Variants in VPS35 observed in about 807,000 individuals in gnomAD.
VPS35 encodes vacuolar protein sorting-associated protein 35.
VPS35 carries 21 observed loss-of-function variants against 98.1 expected under a neutral mutation model. The observed-to-expected ratio is 0.21, with a 90% CI of 0.15 to 0.31. The LOEUF is 0.31. Ranked by LOEUF, VPS35 falls within the 10% of genes least tolerant of loss-of-function variation. VPS35 has a pLI of 1.00. For synonymous variants in VPS35, 268 were observed against 318.2 expected, an observed-to-expected ratio of 0.84 and a Z score of 1.68; for missense variants, 554 against 950.8, an observed-to-expected ratio of 0.58 and a Z score of 5.49.
At chr16:46,660,820 CA>C (rs33973421) in intron 16 of VPS35, 169 bp from the exon 17 acceptor site, 2,920 of 334,808 alleles carry the variant, frequency 8.7e-3, no homozygotes, top group South Asian at 0.013. Context: ...TACTGACTAT[CA>C]AAAAAAAAAA....
intron 4 of VPS35, 56 bp from the exon 5 acceptor site, chr16:46,680,909 T>G (rs1421167463): frequency 1.9e-6 from 3 of 1,551,112 alleles, no homozygotes; most frequent in Non-Finnish European, 2.7e-6. Context: ...ATCAAGAATT[T>G]ATTTCCAAAC....
chr16:46,660,820 CAAA>C (rs33973421), intron 16 of VPS35, 169 bp from the exon 17 acceptor site: 120 of 340,322 alleles, frequency 3.5e-4, no homozygotes, highest in Admixed American at 6.2e-4. Context: ...TACTGACTAT[CAAA>C]AAAAAAAAAA....
chr16:46,661,840 T>C lies in VPS35; in HGVS notation c.2089A>G (p.Met697Val). ...TTTAGAGCTTTTTTTAGGCACTCCA[T>C]TACCCTCTTGCCTCCGTGAAGCTAA... ...GEELHGGKRV[M>V]ECLKKALKIA... Residue 697 changes from methionine (M) to valine (V), a missense_variant, in exon 16 of 17, where the codon ATG becomes GTG. Around this residue, in one of 5 missense-constraint regions of VPS35, gnomAD observed 153 missense variants for 211.0 expected, o/e 0.73. Transcript: ENST00000299138. The surrounding 1 kb of genome is among the most constrained non-coding windows in gnomAD (Gnocchi z 4.3). The C allele has an allele frequency of 1.2e-6, 2 of 1,614,152 alleles. No individual in the cohort carries two copies. Among genetic ancestry groups the C allele is most frequent in the Middle Eastern group, 1.6e-4 (1 of 6,062 alleles).
chr16:46,663,893 T>TTTTTTTTTTTTA, intron 13 of VPS35, among the ~76,000 whole-genome samples: 1 of 118,836 alleles, frequency 8.4e-6, no homozygotes, highest in South Asian at 2.5e-4. Context: ...TTTTTTTTTG[T>TTTTTTTTTTTTA]AGAGACAGGG....
chr16:46,674,595 A>G lies in VPS35; in HGVS notation c.980T>C (p.Ile327Thr). 1 of 1,612,796 alleles carries G rather than the reference A, an allele frequency of 6.2e-7. No homozygotes were observed. The highest frequency in any genetic ancestry group is 8.5e-7 in the Non-Finnish European group (1 of 1,179,394). Reference protein sequence around the residue: ...GIPADIKLFDIFSQQVATVIQ... With the variant: ...GIPADIKLFDTFSQQVATVIQ... ...CACTGTAGCCACCTGCTGTGAAAAT[A>G]TATCAAAAAGTTTAATATCCGCTGG... The change falls in exon 9 of 17, where the codon ATA (isoleucine) becomes ACA (threonine). Residue 327 changes from isoleucine to threonine, a missense_variant. Physicochemically the swap from Ile to Thr is moderately conservative, Grantham distance 89. This residue lies in a region of VPS35 where 254 missense variants were observed against 390.1 expected (regional missense o/e 0.65). Transcript: ENST00000299138.
intron 13 of VPS35, among the ~76,000 whole-genome samples, chr16:46,667,220 T>C (rs1483523178): frequency 6.6e-6 from 1 of 152,266 alleles, no homozygotes; most frequent in Non-Finnish European, 1.5e-5. Flanking sequence ...TAAATGATGT[T>C]GAACATCTGT....
At chr16:46,688,964 C>G in intron 1 of VPS35, 167 bp downstream of exon 1, 1 of 1,507,512 alleles carries the variant, frequency 6.6e-7, no homozygotes, top group Non-Finnish European at 8.9e-7. Context: ...TCAGCCTGCC[C>G]GCGGCCTTCC....
intron 1 of VPS35, 170 bp downstream of exon 1, chr16:46,688,961 G>A (rs1412523364): frequency 2.0e-6 from 3 of 1,504,660 alleles, no homozygotes; most frequent in Non-Finnish European, 2.7e-6. Context: ...GGATCAGCCT[G>A]CCCGCGGCCT....
At chr16:46,663,232 AT>A (rs1319433421) in intron 13 of VPS35, 70 bp from the exon 14 acceptor site, 1 of 1,371,774 alleles carries the variant, frequency 7.3e-7, no homozygotes, top group Non-Finnish European at 1.0e-6. Context: ...ATCCATTTTA[AT>A]AGAACAAAAT....
intron 8 of VPS35, 91 bp from the exon 9 acceptor site, chr16:46,674,751 TATATTTTGTATG>T (rs1271912127): frequency 1.7e-6 from 2 of 1,150,772 alleles, no homozygotes; most frequent in African/African-American, 3.2e-5. Flanking sequence ...ATTGCTTTTC[TATATTTTGTATG>T]AGCCCAAAAG....
Position 46,682,213 on chromosome 16 carries a change from TTTAAA to T in VPS35, c.103-43_103-39del, listed in dbSNP as rs1432489607. 12 of 1,449,192 alleles carry T rather than the reference TTTAAA, an allele frequency of 8.3e-6. No individual in the cohort carries two copies. In the African/African-American group the frequency reaches 1.5e-4, roughly 19 times the overall value. The allele number at this position is 1,449,192 out of a possible 1,614,324, so 89.8% of individuals were successfully genotyped here. A position where few individuals can be genotyped will look rare whatever the true frequency, so the allele number is the denominator to read the frequency against. On this transcript the variant is annotated intron_variant, in intron 2 of 16. Coordinates refer to ENST00000299138, the MANE Select transcript of VPS35 (RefSeq NM_018206.6). ...CAAGAGAATAGATGAGAATGCTTAA[TTTAAA>T]TAAACATTTATCTTGGTTGTACAAA... is the stretch of plus-strand genomic sequence containing the variant.
rs554451334 is a variant in VPS35, at chr16:46,674,273, A to C, written c.1160+41T>G. 769 of 1,610,568 alleles carry C rather than the reference A, an allele frequency of 4.8e-4. 11 individuals carry two copies. The South Asian group carries it at 8.1e-3, about 17-fold the overall frequency. On this transcript the variant is annotated intron_variant, in intron 10 of 16. Transcript: ENST00000299138. ...AGAAAGAAAAGCAAATCTAGGACAA[A>C]AATATCTTTGAGGATTTTTACAAAA...
At chr16:46,681,146 T>TA (rs550623756) in intron 4 of VPS35, among the ~76,000 whole-genome samples, 5 of 151,400 alleles carry the variant, frequency 3.3e-5, no homozygotes, top group Non-Finnish European at 5.9e-5. Context: ...GTCAAGACAT[T>TA]AAAAAAAATA....
At chr16:46,682,401 C>CT (rs1363107202) in intron 2 of VPS35, 1 of 487,360 alleles carries the variant, frequency 2.1e-6, no homozygotes, top group Non-Finnish European at 3.7e-6. Flanking sequence ...ATAGCTAAGA[C>CT]TGCAAGCTTC....
Position 46,662,237 on chromosome 16 carries a change from C to G in VPS35, c.2067+6G>C. On this transcript the variant is annotated splice_donor_region_variant and intron_variant, in intron 15 of 16. Coordinates refer to ENST00000299138, the MANE Select transcript of VPS35 (RefSeq NM_018206.6). ...TCTGCTATCATGCAGTCAGGAATGA[C>G]CTTACCTCCTCCCCATTTTTGTCCG... 2 of 1,614,154 alleles carry G rather than the reference C, an allele frequency of 1.2e-6. No individual in the cohort carries two copies. The highest frequency in any genetic ancestry group is 1.7e-6 in the Non-Finnish European group (2 of 1,180,030).
At chr16:46,680,880 T>A (rs1396460966) in intron 4 of VPS35, 27 bp from the exon 5 acceptor site, 1 of 1,600,982 alleles carries the variant, frequency 6.2e-7, no homozygotes, top group African/African-American at 1.3e-5. Context: ...GAAATGCTGA[T>A]TAGAAATAAA....
chr16:46,662,286 T>C lies in VPS35; in HGVS notation c.2024A>G (p.His675Arg). 6.2e-7 allele frequency: 1 copy of C among 1,614,154 alleles called. No homozygotes were observed. Among genetic ancestry groups the C allele is most frequent in the Non-Finnish European group, 8.5e-7 (1 of 1,180,042 alleles). ...CGTGTTTCTGCCAGACCAGAAGAGA[T>C]GTGCACAGGTGCTCACAGCTCGGCC... Reference protein sequence around the residue: ...DQGRAVSTCAHLFWSGRNTDK... With the variant: ...DQGRAVSTCARLFWSGRNTDK... Residue 675 changes from histidine to arginine, a missense_variant, in exon 15 of 17, where the codon CAT becomes CGT. Physicochemically the swap from His to Arg is conservative, Grantham distance 29 (BLOSUM62 0). Around this residue, in one of 5 missense-constraint regions of VPS35, gnomAD observed 153 missense variants for 211.0 expected, o/e 0.73. Coordinates refer to ENST00000299138, the MANE Select transcript of VPS35 (RefSeq NM_018206.6).
chr16:46,684,283 T>A (rs1483570726), intron 1 of VPS35, among the ~76,000 whole-genome samples: 1 of 152,194 alleles, frequency 6.6e-6, no homozygotes, highest in African/African-American at 2.4e-5. Context: ...CTAAAGCCTC[T>A]CTTTTCCTCT....
Position 46,667,943 on chromosome 16 carries a change from G to A in VPS35, c.1647+987C>T, listed in dbSNP as rs542514014. On this transcript the variant is annotated intron_variant, in intron 13 of 16. Coordinates refer to ENST00000299138, the MANE Select transcript of VPS35 (RefSeq NM_018206.6). ...TTAATTACTATGGCTTTGTAATGTA[G>A]GCTGGTTGCTATTTTTATTGTTATA... 7.8e-4 allele frequency among the ~76,000 whole-genome samples: 118 copies of A among 152,182 alleles called. 1 individual carries two copies. Among genetic ancestry groups the A allele is most frequent in the Middle Eastern group, 3.4e-3 (1 of 294 alleles).
Sources: allele counts gnomAD v4.1 joint callset (sites outside exome capture counted in the v4.1 genomes callset), GRCh38; gene constraint gnomAD v4.1.1; regional missense constraint gnomAD v4.1.1; non-coding constraint Gnocchi (gnomAD v3.1); transcripts MANE v1.5; gene names NCBI Gene and HGNC (gene_info 2026-07-23, HGNC 2026-07-21).